Variants in INSC observed in about 807,000 individuals in gnomAD.
INSC encodes the protein protein inscuteable homolog.
Under a neutral mutation model 58.6 loss-of-function variants are expected in INSC, and 67 were observed. The ratio of observed to expected loss-of-function variants is 1.14; its 90% CI spans 0.94 to 1.40. INSC has a LOEUF of 1.40. Ranked by LOEUF, INSC falls within the 40% of genes most tolerant of loss-of-function variation. The probability of loss-of-function intolerance (pLI) is 0.00; values close to 1 mark genes in which losing one functional copy is unlikely to be tolerated. For synonymous variants in INSC, 262 were observed against 276.1 expected (o/e 0.95, Z 0.51); for missense variants, 714 against 692.0 (o/e 1.03, Z -0.36).
At chr11:15,247,248 G>A (rs1852596004), downstream of INSC, 1 of 151,880 alleles carries the variant, frequency 6.6e-6, no homozygotes, top group African/African-American at 2.4e-5. Flanking sequence ...ACCAAGTCCT[G>A]GGCTAAGCAT....
At chr11:15,180,293 A>C (rs1328533664) in intron 5 of INSC, among the ~76,000 whole-genome samples, 1 of 151,894 alleles carries the variant, frequency 6.6e-6, no homozygotes, top group Non-Finnish European at 1.5e-5. Context: ...ACAAACAAAC[A>C]AACAAAAAGG....
At chr11:15,266,864 GGTT>G in the INSC span, among the ~76,000 whole-genome samples, 1 of 152,058 alleles carries the variant, frequency 6.6e-6, no homozygotes. Context: ...TTCATGGTTG[GGTT>G]GAAGAGTGGA....
chr11:15,173,034 T>C (rs748260675), intron 2 of INSC, among the ~76,000 whole-genome samples: 7 of 152,240 alleles, frequency 4.6e-5, no homozygotes, highest in Non-Finnish European at 1.0e-4. Flanking sequence ...GCAACATCTA[T>C]TGAATTACAA....
intron 1 of INSC, among the ~76,000 whole-genome samples, chr11:15,120,491 C>T (rs1416516035): frequency 1.3e-5 from 2 of 152,080 alleles, no homozygotes; most frequent in African/African-American, 4.8e-5. Context: ...TGAAAGATAA[C>T]AGGAAGTTGC....
intron 1 of INSC, among the ~76,000 whole-genome samples, chr11:15,131,689 C>CTT (rs1479523070): frequency 1.3e-5 from 2 of 151,988 alleles, no homozygotes; most frequent in Non-Finnish European, 2.9e-5. Context: ...ATGGGCTGAA[C>CTT]TTTTAATTTT....
At position 15,225,747 on chromosome 11, in the gene INSC, C is replaced by T. The variant is rs762918018; in HGVS notation, c.1089C>T (p.Leu363=). ...TTGACACAATGGCCTGCGAGATGCTCCTGCAGTTGAATGCCATCCGTGTTC... is the reference window on the plus strand; with the variant it reads ...TTGACACAATGGCCTGCGAGATGCTTCTGCAGTTGAATGCCATCCGTGTTC... ...TFFDTMACEM[L]LQLNAIRVLL... is the part of the protein sequence containing the mutation. The change falls in exon 9 of 13, where the codon CTC becomes CTT. Residue 363 remains leucine (L), a synonymous_variant. Coordinates refer to ENST00000379556, the MANE Select transcript of INSC (RefSeq NM_001042536.3). 63 of 1,613,996 alleles carry T rather than the reference C, an allele frequency of 3.9e-5. 1 individual carries two copies. In the South Asian group the frequency reaches 6.7e-4, roughly 17 times the overall value.
At chr11:15,214,779 A>G (rs567368776) in intron 7 of INSC, among the ~76,000 whole-genome samples, 85 of 152,304 alleles carry the variant, frequency 5.6e-4, no homozygotes, top group Admixed American at 1.6e-3. Flanking sequence ...TGAATAGGTT[A>G]ACACTGTTAT....
At chr11:15,244,133 T>A (rs1229516182) in intron 12 of INSC, among the ~76,000 whole-genome samples, 2 of 152,218 alleles carry the variant, frequency 1.3e-5, no homozygotes, top group Non-Finnish European at 2.9e-5. Flanking sequence ...AATGCATTGG[T>A]GGCCTTGTTT....
intron 5 of INSC, among the ~76,000 whole-genome samples, chr11:15,182,808 CTT>C (rs1031225363): frequency 3.7e-4 from 56 of 152,236 alleles, no homozygotes; most frequent in African/African-American, 1.3e-3. Context: ...CATTTGTTTT[CTT>C]TCTTAAAAAT....
chr11:15,204,624 C>T (rs551093155), intron 7 of INSC, among the ~76,000 whole-genome samples: 3 of 152,168 alleles, frequency 2.0e-5, no homozygotes, highest in South Asian at 2.1e-4. Context: ...AGGCACAGGC[C>T]GGATTGTAGA....
intron 9 of INSC, among the ~76,000 whole-genome samples, chr11:15,234,312 T>C (rs538572298): frequency 6.6e-6 from 1 of 152,336 alleles, no homozygotes; most frequent in South Asian, 2.1e-4. Context: ...CAATATGTGT[T>C]TAGAAGGAAA....
intron 1 of INSC, among the ~76,000 whole-genome samples, chr11:15,147,066 G>T (rs1432675071): frequency 6.6e-6 from 1 of 152,088 alleles, no homozygotes; most frequent in Non-Finnish European, 1.5e-5. Flanking sequence ...TCTTCTCAAT[G>T]ATGAAGATGT....
upstream of INSC, chr11:15,112,544 G>C: frequency 6.2e-7 from 1 of 1,610,342 alleles, no homozygotes; most frequent in Non-Finnish European, 8.5e-7. Flanking sequence ...GAGTCCAGGA[G>C]TCCAGGAGGC....
chr11:15,216,942 C>A (rs1332608764), intron 7 of INSC, among the ~76,000 whole-genome samples: 2 of 152,114 alleles, frequency 1.3e-5, no homozygotes, highest in Non-Finnish European at 2.9e-5. Context: ...TTAATAATTC[C>A]AATGGTCCTC....
intron 2 of INSC, among the ~76,000 whole-genome samples, chr11:15,170,962 G>A (rs180791043): frequency 1.3e-3 from 199 of 152,300 alleles, no homozygotes; most frequent in Non-Finnish European, 5.3e-4. Context: ...GTGCTGAATC[G>A]ATTAGGAGTT....
At chr11:15,247,613 CAG>C (rs1852602548), downstream of INSC, among the ~76,000 whole-genome samples, 1 of 151,686 alleles carries the variant, frequency 6.6e-6, no homozygotes, top group African/African-American at 2.4e-5. Context: ...AGAGAAGAAA[CAG>C]AGGAAACTCA....
the INSC span, among the ~76,000 whole-genome samples, chr11:15,261,146 G>A: frequency 6.6e-6 from 1 of 152,198 alleles, no homozygotes; most frequent in East Asian, 1.9e-4. Flanking sequence ...GAGCCACACT[G>A]CTCTGTTGCT....
At chr11:15,267,790 G>C in the INSC span, among the ~76,000 whole-genome samples, 3 of 151,898 alleles carry the variant, frequency 2.0e-5, no homozygotes, top group Admixed American at 6.6e-5. Context: ...ATGCTTCTTT[G>C]CAAGGCTAAT....
At chr11:15,191,520 G>A (rs578254438) in intron 6 of INSC, among the ~76,000 whole-genome samples, 3 of 152,160 alleles carry the variant, frequency 2.0e-5, no homozygotes, top group East Asian at 1.9e-4. Context: ...TTGGGTGATC[G>A]ATTGACCTTA....
Sources: gnomAD v4.1 joint callset for allele counts (sites outside exome capture counted in the v4.1 genomes callset) on GRCh38, gnomAD v4.1.1 for gene constraint, MANE v1.5 for transcripts, NCBI Gene and HGNC (gene_info 2026-07-23, HGNC 2026-07-21) for gene names.